The following SETD5 variants were observed in gnomAD, a reference collection of about 807,000 sequenced individuals.
The protein encoded by SETD5 is histone-lysine N-methyltransferase SETD5.
A neutral mutation model predicts 153.3 loss-of-function variants in SETD5; 44 were observed. The observed-to-expected ratio is 0.29, with a 90% confidence interval of 0.23 to 0.37. The LOEUF (loss-of-function observed/expected upper bound fraction) is 0.37, where lower values mean the gene tolerates loss of function less well. SETD5 is among the 10% of genes least tolerant of loss of function. SETD5 has a pLI of 1.00. For missense variants in SETD5, 1,544 were observed against 1,768.0 expected, an observed-to-expected ratio of 0.87 and a Z score of 2.27; for synonymous variants, 716 against 645.2, an observed-to-expected ratio of 1.11 and a Z score of -1.66.
intron 3 of SETD5, chr3:9,431,480 T>C (rs905617099): frequency 2.1e-6 from 2 of 942,492 alleles, no homozygotes; most frequent in African/African-American, 3.5e-5. Flanking sequence ...CTAGTATATA[T>C]ATCAAGGAAT....
Position 9,470,851 on chromosome 3 carries a change from T to C in SETD5, c.3117T>C (p.Arg1039=). The change falls in exon 19 of 23, where the codon CGT becomes CGC. Residue 1039 remains arginine, a synonymous_variant. Coordinates refer to ENST00000402198, the MANE Select transcript of SETD5 (RefSeq NM_001080517.3). ...YEHGLMKDLS[R]GSLSPGGERA... ...ATGGCTTAATGAAAGACCTCTCTCG[T>C]GGATCCTTGTCACCTGGTGGTGAAA... 1 of 1,612,096 alleles carries C rather than the reference T, an allele frequency of 6.2e-7. No individual in the cohort carries two copies. Among genetic ancestry groups the C allele is most frequent in the Non-Finnish European group, 8.5e-7 (1 of 1,179,072 alleles).
At chr3:9,448,774 T>G in intron 16 of SETD5, 144 bp downstream of exon 16, 1 of 792,452 alleles carries the variant, frequency 1.3e-6, no homozygotes, top group Non-Finnish European at 1.9e-6. Flanking sequence ...AGTTAGTTGT[T>G]CAGCCATAAA....
Position 9,475,595 on chromosome 3 carries a change from C to T in SETD5, c.3833C>T (p.Ala1278Val), listed in dbSNP as rs201663969. The T allele has an allele frequency of 1.9e-6, 3 of 1,613,954 alleles. No individual in the cohort carries two copies. In the East Asian group the frequency reaches 6.7e-5, roughly 36 times the overall value. ...QSPGYSYRTT[A>V]LRPGNPPSHG... ...CCAGGATACAGTTATCGAACTACTG[C>T]ACTGAGACCTGGAAACCCCCCCTCT... is the stretch of plus-strand genomic sequence containing the variant. The change falls in exon 23 of 23, where the codon GCA becomes GTA. Residue 1278 changes from alanine (A) to valine (V), a missense_variant. Physicochemically the swap from Ala to Val is moderately conservative, Grantham distance 64 (BLOSUM62 0). This residue lies in a region of SETD5 where 302 missense variants were observed against 277.6 expected (regional missense o/e 1.09). Transcript: ENST00000402198.
chr3:9,418,107 AT>A (rs78653171), intron 1 of SETD5, among the ~76,000 whole-genome samples: 5,788 of 141,750 alleles, frequency 0.041, 188 homozygotes, highest in African/African-American at 0.097. Context: ...CTCCCGGCTA[AT>A]TTTTTTTTTT....
intron 2 of SETD5, among the ~76,000 whole-genome samples, chr3:9,424,797 A>T (rs1368040016): frequency 1.3e-5 from 2 of 152,200 alleles, no homozygotes; most frequent in African/African-American, 4.8e-5. Context: ...TTCCTCGGTT[A>T]ACATTTTAAT....
intron 1 of SETD5, among the ~76,000 whole-genome samples, chr3:9,407,684 T>C (rs2035923853): frequency 6.6e-6 from 1 of 152,144 alleles, no homozygotes. Flanking sequence ...ATGTCAAATA[T>C]CTCTTGTGAA....
chr3:9,466,445 T>G lies in SETD5; in HGVS notation c.2724+1773T>G, dbSNP rs182181718. On this transcript the variant is annotated intron_variant, in intron 18 of 22. Coordinates refer to ENST00000402198, the MANE Select transcript of SETD5 (RefSeq NM_001080517.3). Reference sequence around the variant, plus strand: ...TTTTGGTTTTGTTTTGTTTTGTTTTTTTTAATTGGTGATCATTTTAATAAT... The same window carrying G: ...TTTTGGTTTTGTTTTGTTTTGTTTTGTTTAATTGGTGATCATTTTAATAAT... 1.1e-4 allele frequency among the ~76,000 whole-genome samples: 16 copies of G among 152,272 alleles called. No individual in the cohort carries two copies. The East Asian group carries it at 2.9e-3, about 27-fold the overall frequency.
At chr3:9,474,409 A>C in intron 20 of SETD5, 40 bp from the exon 21 acceptor site, 1 of 1,604,530 alleles carries the variant, frequency 6.2e-7, no homozygotes, top group East Asian at 2.2e-5. Flanking sequence ...TGTTTTGGTT[A>C]AGTCCTGTGG....
intron 3 of SETD5, 162 bp from the exon 4 acceptor site, chr3:9,433,683 A>G (rs2040229638): frequency 2.3e-6 from 2 of 868,488 alleles, no homozygotes; most frequent in South Asian, 1.7e-5. Flanking sequence ...ACTGTTATTT[A>G]TAGGCTTAGT....
At chr3:9,442,559 G>C (rs2041429312) in intron 10 of SETD5, among the ~76,000 whole-genome samples, 1 of 152,172 alleles carries the variant, frequency 6.6e-6, no homozygotes, top group Non-Finnish European at 1.5e-5. Flanking sequence ...GATGTTGTTA[G>C]GCCTAACTAA....
At chr3:9,430,169 A>G (rs1409093035) in intron 3 of SETD5, 9 of 1,010,376 alleles carry the variant, frequency 8.9e-6, no homozygotes, top group Non-Finnish European at 1.1e-5. Context: ...GACATCCCTG[A>G]TTAATAAGTG....
At chr3:9,420,502 A>C (rs957702088) in intron 1 of SETD5, among the ~76,000 whole-genome samples, 3 of 152,140 alleles carry the variant, frequency 2.0e-5, no homozygotes, top group Non-Finnish European at 4.4e-5. Context: ...AGGGAGTATA[A>C]ATTTAGGCAA....
chr3:9,400,442 T>C (rs2034577012), intron 1 of SETD5, among the ~76,000 whole-genome samples: 1 of 152,222 alleles, frequency 6.6e-6, no homozygotes. Flanking sequence ...ATCTCTTTAA[T>C]CATAGAATCA....
chr3:9,453,313 C>A (rs1559449765), intron 16 of SETD5, among the ~76,000 whole-genome samples: 1 of 150,690 alleles, frequency 6.6e-6, no homozygotes. Flanking sequence ...CTTCACACGT[C>A]TCTAGCACGG....
Position 9,475,783 on chromosome 3 carries a change from C to G in SETD5, c.4021C>G (p.Pro1341Ala). 6.2e-7 allele frequency: 1 copy of G among 1,614,002 alleles called. No individual in the cohort carries two copies. The highest frequency in any genetic ancestry group is 1.1e-5 in the South Asian group (1 of 91,076). ...TGSNLPRRSC[P>A]SSAASPTLQG... ...CAGCAATCTTCCAAGGAGGAGCTGC[C>G]CTTCTAGTGCTGCTAGCCCTACCCT... The change falls in exon 23 of 23, where the codon CCT (proline) becomes GCT (alanine). Residue 1341 changes from proline to alanine, a missense_variant. By Grantham distance (27) the Pro-to-Ala change is conservative (BLOSUM62 -1). Around this residue, in one of 9 missense-constraint regions of SETD5, gnomAD observed 302 missense variants for 277.6 expected, o/e 1.09. Coordinates refer to ENST00000402198, the MANE Select transcript of SETD5 (RefSeq NM_001080517.3).
At position 9,434,568 on chromosome 3, in the gene SETD5, T is replaced by G. The variant is rs2040343100; in HGVS notation, c.329+83T>G. The G allele has an allele frequency of 6.3e-7, 1 of 1,575,786 alleles. No individual in the cohort carries two copies. The highest frequency in any genetic ancestry group is 1.9e-5 in the Admixed American group (1 of 54,042). ...AAGTAGGGAAAAGCTCAAAGTATTC[T>G]TTCTTGTGTTTGTTAATGTAGATGA... On this transcript the variant is annotated intron_variant, in intron 5 of 22. Transcript: ENST00000402198. The surrounding 1 kb of genome is among the most constrained non-coding windows in gnomAD (Gnocchi z 5.6).
chr3:9,444,235 A>G (rs1013617833), intron 11 of SETD5, among the ~76,000 whole-genome samples: 2 of 152,176 alleles, frequency 1.3e-5, no homozygotes, highest in African/African-American at 4.8e-5. Flanking sequence ...AATATGTGGG[A>G]TTTTTTAAAG....
intron 1 of SETD5, among the ~76,000 whole-genome samples, chr3:9,413,649 GGTGTGTGTGTGTGTGTGTGTGT>G (rs1160123997): frequency 7.1e-6 from 1 of 140,364 alleles, no homozygotes. Context: ...GGGGAGGCGG[GGTGTGTGTGTGTGTGTGTGTGT>G]GTGTGTGTGT....
chr3:9,434,176 C>T lies in SETD5; in HGVS notation c.178-158C>T. The stretch of plus-strand genomic sequence containing the variant: ...CACTTTCCTGGTTGAAGCCAAAAAA[C>T]AAAGGGTACTACTTTCTTCTTTCTT... On this transcript the variant is annotated intron_variant, in intron 4 of 22. Transcript: ENST00000402198. This position sits in a 1 kb window ranked among gnomAD's most constrained non-coding sequence, Gnocchi z 5.6. 1 of 1,549,268 alleles carries T rather than the reference C, an allele frequency of 6.5e-7. No homozygotes were observed. Among genetic ancestry groups the T allele is most frequent in the Non-Finnish European group, 8.7e-7 (1 of 1,145,750 alleles).
Sources: gnomAD v4.1 joint callset for allele counts (sites outside exome capture counted in the v4.1 genomes callset) on GRCh38, gnomAD v4.1.1 for gene constraint, gnomAD v4.1.1 regional missense constraint, Gnocchi (gnomAD v3.1) non-coding constraint, MANE v1.5 for transcripts, NCBI Gene and HGNC (gene_info 2026-07-23, HGNC 2026-07-21) for gene names.